EVC: variants seen among roughly 807,000 people sequenced by gnomAD.
EVC encodes evC complex member EVC.
EVC carries 116 observed loss-of-function variants against 118.9 expected under a neutral mutation model. The ratio of observed to expected loss-of-function variants is 0.98; its 90% CI spans 0.84 to 1.14. EVC has a LOEUF of 1.14. EVC is among the 50% of genes most tolerant of loss of function. EVC has a pLI of 0.00. For synonymous variants in EVC, 619 were observed against 534.7 expected (o/e 1.16, Z -2.18); for missense variants, 1,401 against 1,246.4 (o/e 1.12, Z -1.87).
chr4:5,816,225 G>A (rs545802395), downstream of EVC, among the ~76,000 whole-genome samples: 18 of 152,240 alleles, frequency 1.2e-4, no homozygotes, highest in East Asian at 2.7e-3. Context: ...CAGTCCAGCC[G>A]CTGGACTTAG....
At chr4:5,721,026 C>T (rs1438773423) in intron 2 of EVC, among the ~76,000 whole-genome samples, 1 of 152,128 alleles carries the variant, frequency 6.6e-6, no homozygotes, top group Admixed American at 6.5e-5. Flanking sequence ...ATCACTCTCT[C>T]ATGTGTCTCT....
At chr4:5,815,899 C>A (rs746583991), downstream of EVC, among the ~76,000 whole-genome samples, 6 of 151,996 alleles carry the variant, frequency 3.9e-5, no homozygotes, top group Admixed American at 1.3e-4. Context: ...TATTCCTTTC[C>A]TCCTGTGGCA....
chr4:5,752,916 C>T lies in EVC; in HGVS notation c.1179C>T (p.Thr393=). 1 of 1,614,184 alleles carries T rather than the reference C, an allele frequency of 6.2e-7. No homozygotes were observed. The highest frequency in any genetic ancestry group is 8.5e-7 in the Non-Finnish European group (1 of 1,180,034). ...EFLKLQVQEE[T]RCRLAAISHG... ...TGAAGCTGCAAGTCCAGGAGGAGAC[C>T]AGGTGCCGGCTGGCTGCCATCTCCC... Residue 393 remains threonine, a synonymous_variant, in exon 9 of 21, where the codon ACC becomes ACT. Transcript: ENST00000264956.
chr4:5,726,494 T>C (rs986431090), intron 2 of EVC, among the ~76,000 whole-genome samples: 5 of 151,920 alleles, frequency 3.3e-5, no homozygotes, highest in Non-Finnish European at 5.9e-5. Flanking sequence ...GGGGAGGTGA[T>C]TCCTGAGCAG....
At chr4:5,717,013 C>G (rs895688561) in intron 1 of EVC, among the ~76,000 whole-genome samples, 1 of 150,022 alleles carries the variant, frequency 6.7e-6, no homozygotes, top group Admixed American at 6.7e-5. Flanking sequence ...GCATTTGGAA[C>G]GTCCTTTTGA....
chr4:5,732,802 G>T (rs1191991605), intron 4 of EVC, among the ~76,000 whole-genome samples: 5 of 152,176 alleles, frequency 3.3e-5, no homozygotes, highest in African/African-American at 4.8e-5. Flanking sequence ...TTGAGCTCGG[G>T]AGTTTAAGAC....
intron 1 of EVC, among the ~76,000 whole-genome samples, chr4:5,712,225 T>G (rs1421746568): frequency 6.6e-6 from 1 of 152,244 alleles, no homozygotes; most frequent in Non-Finnish European, 1.5e-5. Context: ...TACCAGGCAC[T>G]GAACTAGACC....
chr4:5,792,873 C>T (rs933658424), intron 12 of EVC, among the ~76,000 whole-genome samples: 4 of 151,964 alleles, frequency 2.6e-5, no homozygotes, highest in South Asian at 2.1e-4. Context: ...TTAAGGGAGA[C>T]GTTTATAGAA....
At chr4:5,817,230 G>C (rs1377450184), downstream of EVC, among the ~76,000 whole-genome samples, 1 of 152,234 alleles carries the variant, frequency 6.6e-6, no homozygotes, top group Admixed American at 6.5e-5. Context: ...GGATGGGGGA[G>C]GGCAGTGGCT....
rs1001698270 is a variant in EVC, at chr4:5,756,044, G to A, written c.1465-220G>A. Among the ~76,000 whole-genome samples, 18 of 152,284 alleles carry A rather than the reference G, an allele frequency of 1.2e-4. No homozygotes were observed. Among genetic ancestry groups the A allele is most frequent in the Middle Eastern group, 3.4e-3 (1 of 294 alleles). On this transcript the variant is annotated intron_variant, in intron 10 of 20. Coordinates refer to ENST00000264956, the MANE Select transcript of EVC (RefSeq NM_153717.3). The surrounding 1 kb of genome is among the most constrained non-coding windows in gnomAD (Gnocchi z 4.2). ...TCCTCATCCTGGCTTTAACAAAAGC[G>A]TGGTGGTTTGTGGTGTTTCCTGGAA...
At chr4:5,828,395 T>C in the EVC span, 2 of 1,499,780 alleles carry the variant, frequency 1.3e-6, no homozygotes, top group East Asian at 4.8e-5. Flanking sequence ...GGCGATGACA[T>C]TATTAACTCT....
At position 5,745,318 on chromosome 4, in the gene EVC, T is replaced by C; in HGVS notation, c.916T>C (p.Tyr306His). 6.2e-7 allele frequency: 1 copy of C among 1,614,026 alleles called. No homozygotes were observed. Among genetic ancestry groups the C allele is most frequent in the South Asian group, 1.1e-5 (1 of 91,082 alleles). The change falls in exon 7 of 21, where the codon TAC becomes CAC. Residue 306 changes from tyrosine to histidine, a missense_variant. Coordinates refer to ENST00000264956, the MANE Select transcript of EVC (RefSeq NM_153717.3). ...LADVEKKERE[Y>H]SEQLIDNMEA... ...TGATGTGGAAAAGAAGGAGAGAGAA[T>C]ACTCTGAACAGCTAATCGATAATGT...
chr4:5,736,336 A>G (rs1445392545), intron 5 of EVC, among the ~76,000 whole-genome samples: 1 of 152,192 alleles, frequency 6.6e-6, no homozygotes, highest in Non-Finnish European at 1.5e-5. Flanking sequence ...AAGATGGGTG[A>G]AAACTGAAGA....
At chr4:5,774,859 A>G (rs1734486220) in intron 11 of EVC, among the ~76,000 whole-genome samples, 1 of 152,182 alleles carries the variant, frequency 6.6e-6, no homozygotes, top group African/African-American at 2.4e-5. Flanking sequence ...GGCACAGAAT[A>G]AATCAGTATC....
intron 17 of EVC, among the ~76,000 whole-genome samples, chr4:5,806,731 G>C (rs1715979715): frequency 6.6e-6 from 1 of 152,184 alleles, no homozygotes; most frequent in African/African-American, 2.4e-5. Context: ...GGATCAAATG[G>C]TCATTCTATT....
chr4:5,819,208 C>G (rs926555923), downstream of EVC, among the ~76,000 whole-genome samples: 5 of 152,190 alleles, frequency 3.3e-5, no homozygotes, highest in African/African-American at 1.2e-4. Context: ...CAGAAGACTA[C>G]TGTGGTAGGC....
In EVC at chr4:5,714,519, C is replaced by A. The variant is rs566438632; in HGVS notation, c.174+2965C>A. 1.9e-3 allele frequency among the ~76,000 whole-genome samples: 258 copies of A among 133,750 alleles called. 2 individuals carry two copies. Among genetic ancestry groups the A allele is most frequent in the African/African-American group, 6.9e-3 (244 of 35,618 alleles). The allele number at this position is 133,750 out of a possible 152,430, so 87.7% of individuals were successfully genotyped here. A position where few individuals can be genotyped will look rare whatever the true frequency, so the allele number is the denominator to read the frequency against. On this transcript the variant is annotated intron_variant, in intron 1 of 20. Coordinates refer to ENST00000264956, the MANE Select transcript of EVC (RefSeq NM_153717.3). ...CATTTTTTTTTTTTTTTTTTGGCTG[C>A]GTGCAATAGCCGTTGACCCTCCACT...
chr4:5,783,173 CTA>C (rs1735890811), intron 11 of EVC, among the ~76,000 whole-genome samples: 1 of 152,060 alleles, frequency 6.6e-6, no homozygotes, highest in African/African-American at 2.4e-5. Flanking sequence ...GTGCACTTGT[CTA>C]TGCATGGATG....
Position 5,719,432 on chromosome 4 carries a change from C to T in EVC, c.300+59C>T. Reference sequence around the variant, plus strand: ...ACATGTGGGAGGTGGGGTATTCCCCCTGGAAGCCGGGTGTCATGTAGACAA... The same window carrying T: ...ACATGTGGGAGGTGGGGTATTCCCCTTGGAAGCCGGGTGTCATGTAGACAA... On this transcript the variant is annotated intron_variant, in intron 2 of 20. Coordinates refer to ENST00000264956, the MANE Select transcript of EVC (RefSeq NM_153717.3). This position sits in a 1 kb window ranked among gnomAD's most constrained non-coding sequence, Gnocchi z 4.7. The T allele has an allele frequency of 6.2e-7, 1 of 1,612,316 alleles. No individual in the cohort carries two copies. The highest frequency in any genetic ancestry group is 8.5e-7 in the Non-Finnish European group (1 of 1,179,446).
Sources: gnomAD v4.1 joint callset for allele counts (sites outside exome capture counted in the v4.1 genomes callset) on GRCh38, gnomAD v4.1.1 for gene constraint, Gnocchi (gnomAD v3.1) non-coding constraint, MANE v1.5 for transcripts, NCBI Gene and HGNC (gene_info 2026-07-23, HGNC 2026-07-21) for gene names.